The following SV2C variants were observed in gnomAD, a reference collection of about 807,000 sequenced individuals.
SV2C encodes synaptic vesicle glycoprotein 2C.
Under a neutral mutation model 79.7 loss-of-function variants are expected in SV2C, and 49 were observed. That is an observed-to-expected ratio of 0.61 (90% confidence interval 0.49 to 0.78). SV2C has a LOEUF of 0.78. Among genes scored for constraint, SV2C ranks in the 30% least tolerant of loss-of-function variants. The pLI, the probability that SV2C is intolerant of heterozygous loss-of-function variation, is 0.00. For synonymous variants in SV2C, 334 were observed against 333.2 expected, an observed-to-expected ratio of 1.00 and a Z score of -0.03; for missense variants, 833 against 912.9, an observed-to-expected ratio of 0.91 and a Z score of 1.13.
chr5:75,972,732 C>G, the SV2C span, among the ~76,000 whole-genome samples: 1 of 152,062 alleles, frequency 6.6e-6, no homozygotes, highest in Non-Finnish European at 1.5e-5. Context: ...CTTGGTGGGA[C>G]TGTAAACTAG....
At chr5:76,253,331 G>A (rs559568552) in intron 4 of SV2C, among the ~76,000 whole-genome samples, 19 of 151,966 alleles carry the variant, frequency 1.3e-4, no homozygotes, top group African/African-American at 3.1e-4. Flanking sequence ...TCACTCTGTC[G>A]CCCAGGCTGG....
chr5:75,891,498 G>A, the SV2C span, among the ~76,000 whole-genome samples: 1 of 152,024 alleles, frequency 6.6e-6, no homozygotes, highest in African/African-American at 2.4e-5. Flanking sequence ...ATATCTGTAA[G>A]TTTTAAGAGA....
At chr5:75,879,973 G>T in the SV2C span, among the ~76,000 whole-genome samples, 1 of 152,156 alleles carries the variant, frequency 6.6e-6, no homozygotes, top group Non-Finnish European at 1.5e-5. Flanking sequence ...ATCTACCAAG[G>T]CTTATGGCTT....
the SV2C span, among the ~76,000 whole-genome samples, chr5:75,888,331 TA>T: frequency 1.0e-3 from 155 of 148,394 alleles, no homozygotes; most frequent in African/African-American, 3.1e-3. Context: ...CCTTGCTTTT[TA>T]AAAAAAAAAA....
the SV2C span, among the ~76,000 whole-genome samples, chr5:76,026,030 T>C: frequency 1.3e-5 from 2 of 152,134 alleles, no homozygotes; most frequent in African/African-American, 4.8e-5. Flanking sequence ...ATAATCCCTT[T>C]ATAAGGCATC....
chr5:75,916,199 C>G, the SV2C span, among the ~76,000 whole-genome samples: 3 of 151,960 alleles, frequency 2.0e-5, no homozygotes, highest in Non-Finnish European at 4.4e-5. Flanking sequence ...TCTTCTCCTC[C>G]TCTTCCTCCT....
chr5:75,972,818 C>T, the SV2C span, among the ~76,000 whole-genome samples: 7 of 152,054 alleles, frequency 4.6e-5, no homozygotes, highest in Non-Finnish European at 1.5e-5. Context: ...CCAGCCATCC[C>T]ATTACTGGGT....
At chr5:75,896,055 TTTTTA>T in the SV2C span, among the ~76,000 whole-genome samples, 7 of 151,984 alleles carry the variant, frequency 4.6e-5, no homozygotes, top group East Asian at 3.9e-4. Flanking sequence ...GATAGTTCTT[TTTTTA>T]TTTTATTTTA....
At chr5:76,228,576 A>T (rs767959422) in intron 4 of SV2C, among the ~76,000 whole-genome samples, 1 of 152,144 alleles carries the variant, frequency 6.6e-6, no homozygotes, top group Non-Finnish European at 1.5e-5. Flanking sequence ...CCACGGTTTT[A>T]TGTTTGAGAC....
the SV2C span, among the ~76,000 whole-genome samples, chr5:75,998,743 A>G: frequency 1.3e-5 from 2 of 152,148 alleles, 1 homozygote; most frequent in South Asian, 4.2e-4. Flanking sequence ...ATGGAAGATC[A>G]TGGGACTTTT....
the SV2C span, among the ~76,000 whole-genome samples, chr5:75,888,635 C>A: frequency 6.6e-6 from 1 of 151,990 alleles, no homozygotes; most frequent in Non-Finnish European, 1.5e-5. Context: ...TCAGAGAGTC[C>A]TTCTCTACCA....
chr5:75,965,844 A>G, the SV2C span, among the ~76,000 whole-genome samples: 6 of 152,212 alleles, frequency 3.9e-5, no homozygotes, highest in Admixed American at 1.3e-4. Context: ...AGAAAAAAAA[A>G]AGAAAAATCA....
intron 12 of SV2C, among the ~76,000 whole-genome samples, chr5:76,313,772 C>T (rs756615906): frequency 1.3e-4 from 20 of 152,118 alleles, no homozygotes; most frequent in Non-Finnish European, 2.5e-4. Context: ...GCTTGGAGGA[C>T]GCTTGTATGT....
intron 12 of SV2C, among the ~76,000 whole-genome samples, chr5:76,325,119 A>G (rs1028949535): frequency 2.6e-5 from 4 of 152,232 alleles, no homozygotes; most frequent in African/African-American, 7.2e-5. Context: ...TTCACAATAC[A>G]TTGGGACTTA....
the SV2C span, among the ~76,000 whole-genome samples, chr5:75,934,099 T>C: frequency 1.9e-4 from 29 of 152,290 alleles, no homozygotes; most frequent in South Asian, 1.0e-3. Flanking sequence ...CTCCATTTTA[T>C]GGAGTTTGGA....
rs889459150 is a variant in SV2C at position 76,152,036 on chromosome 5, A to G, written c.580+19706A>G. ...GGGGGTGAGAGAAGTCCTAAAATAAATGGTTTGAATGTAGGGAAAGTCTCA... is the reference window on the plus strand; with the variant it reads ...GGGGGTGAGAGAAGTCCTAAAATAAGTGGTTTGAATGTAGGGAAAGTCTCA... On this transcript the variant is annotated intron_variant, in intron 2 of 12. Coordinates refer to ENST00000502798, the MANE Select transcript of SV2C (RefSeq NM_014979.4). Among the ~76,000 whole-genome samples, 15 of 152,168 alleles carry G rather than the reference A, an allele frequency of 9.9e-5. 1 individual carries two copies. Among genetic ancestry groups the G allele is most frequent in the African/African-American group, 2.7e-4 (11 of 41,432 alleles).
the SV2C span, among the ~76,000 whole-genome samples, chr5:75,977,011 A>G: frequency 6.6e-6 from 1 of 152,370 alleles, no homozygotes; most frequent in Non-Finnish European, 1.5e-5. Flanking sequence ...TACAAATGAA[A>G]CAGAAATGAC....
chr5:75,955,731 T>C, the SV2C span, among the ~76,000 whole-genome samples: 59,263 of 138,616 alleles, frequency 0.43, 13,124 homozygotes, highest in African/African-American at 0.52. Flanking sequence ...AAAAAGTGGG[T>C]GAAAGACATG....
chr5:76,011,718 G>A, the SV2C span, among the ~76,000 whole-genome samples: 14 of 151,742 alleles, frequency 9.2e-5, no homozygotes, highest in South Asian at 2.1e-4. Flanking sequence ...CCTATAACCC[G>A]TCATCTACGC....
Sources: gnomAD v4.1 joint callset for allele counts (sites outside exome capture counted in the v4.1 genomes callset) on GRCh38, gnomAD v4.1.1 for gene constraint, MANE v1.5 for transcripts, NCBI Gene and HGNC (gene_info 2026-07-23, HGNC 2026-07-21) for gene names.